The following CSMD3 variants were observed in gnomAD, a reference collection of about 807,000 sequenced individuals.
CSMD3 encodes CUB and Sushi multiple domains 3.
A neutral mutation model predicts 435.2 loss-of-function variants in CSMD3; 177 were observed. The observed-to-expected ratio is 0.41, with a 90% CI of 0.36 to 0.46. The LOEUF (loss-of-function observed/expected upper bound fraction) is 0.46, where lower values mean the gene tolerates loss of function less well. Ranked by LOEUF, CSMD3 falls within the 20% of genes least tolerant of loss-of-function variation. CSMD3 has a pLI of 0.34. For missense variants in CSMD3, 4,265 were observed against 4,504.6 expected, an observed-to-expected ratio of 0.95 and a Z score of 1.52; for synonymous variants, 1,656 against 1,520.5, an observed-to-expected ratio of 1.09 and a Z score of -2.07.
intron 4 of CSMD3, among the ~76,000 whole-genome samples, chr8:113,123,168 C>A (rs542705105): frequency 8.5e-5 from 13 of 152,162 alleles, no homozygotes; most frequent in African/African-American, 3.1e-4. Flanking sequence ...TAACCAGTTT[C>A]ATATCTAATC....
intron 32 of CSMD3, among the ~76,000 whole-genome samples, chr8:112,447,999 T>C (rs1316959785): frequency 6.6e-6 from 1 of 152,194 alleles, no homozygotes; most frequent in East Asian, 1.9e-4. Flanking sequence ...CAAGTTTAGA[T>C]GAGGCCATAC....
intron 17 of CSMD3, among the ~76,000 whole-genome samples, chr8:112,663,711 G>T (rs61329180): frequency 0.029 from 4,385 of 152,106 alleles, 230 homozygotes; most frequent in African/African-American, 0.099. Context: ...TGTGATGAGG[G>T]TTATCAAGAA....
chr8:113,123,285 A>G (rs2091036364), intron 4 of CSMD3, among the ~76,000 whole-genome samples: 1 of 152,088 alleles, frequency 6.6e-6, no homozygotes, highest in African/African-American at 2.4e-5. Context: ...GCCAAAATAT[A>G]TTTGACAAGT....
At chr8:113,247,621 T>A (rs1375473504) in intron 3 of CSMD3, among the ~76,000 whole-genome samples, 2 of 152,118 alleles carry the variant, frequency 1.3e-5, no homozygotes, top group Non-Finnish European at 2.9e-5. Flanking sequence ...GTTGCCTTTA[T>A]GAGGAGTAGA....
At chr8:112,567,863 A>G (rs956053035) in intron 24 of CSMD3, among the ~76,000 whole-genome samples, 3 of 151,464 alleles carry the variant, frequency 2.0e-5, no homozygotes, top group Non-Finnish European at 4.4e-5. Context: ...GTTCTCTCTC[A>G]GAAGAACAGG....
chr8:112,751,757 C>T lies in CSMD3; in HGVS notation c.1972+48405G>A, dbSNP rs181506424. 1.9e-4 allele frequency among the ~76,000 whole-genome samples: 29 copies of T among 151,960 alleles called. No individual in the cohort carries two copies. The East Asian group carries it at 4.8e-3, about 25-fold the overall frequency. On this transcript the variant is annotated intron_variant, in intron 13 of 70. Coordinates refer to ENST00000297405, the MANE Select transcript of CSMD3 (RefSeq NM_198123.2). ...TCAGAAAGAAATTTCCACAGACTCACATCATTCCCTTTCTCTACCTACCAA... is the reference window on the plus strand; with the variant it reads ...TCAGAAAGAAATTTCCACAGACTCATATCATTCCCTTTCTCTACCTACCAA...
chr8:113,199,665 G>A (rs1465621990), intron 3 of CSMD3, among the ~76,000 whole-genome samples: 2 of 151,608 alleles, frequency 1.3e-5, no homozygotes. Flanking sequence ...CAAAGACATT[G>A]AGCAGCCTGC....
chr8:112,514,359 C>A (rs1823456797), intron 28 of CSMD3, among the ~76,000 whole-genome samples: 1 of 152,112 alleles, frequency 6.6e-6, no homozygotes, highest in African/African-American at 2.4e-5. Flanking sequence ...TTTAGAAATG[C>A]ATCTCTATTT....
At chr8:112,817,608 G>C (rs1455833195) in intron 12 of CSMD3, among the ~76,000 whole-genome samples, 1 of 151,810 alleles carries the variant, frequency 6.6e-6, no homozygotes, top group Non-Finnish European at 1.5e-5. Flanking sequence ...TTCAAACTTT[G>C]GGAAAAAACA....
intron 3 of CSMD3, among the ~76,000 whole-genome samples, chr8:113,175,345 G>A (rs2092332284): frequency 6.6e-6 from 1 of 151,692 alleles, no homozygotes. Context: ...TTTACTTTGA[G>A]TTTTAAAAAT....
intron 59 of CSMD3, among the ~76,000 whole-genome samples, chr8:112,269,682 C>CA (rs1246076943): frequency 2.0e-5 from 3 of 152,048 alleles, no homozygotes; most frequent in African/African-American, 2.4e-5. Flanking sequence ...TTTGTACTGA[C>CA]AAAAAAATGT....
At chr8:112,968,869 C>T (rs1389576444) in intron 7 of CSMD3, among the ~76,000 whole-genome samples, 1 of 152,074 alleles carries the variant, frequency 6.6e-6, no homozygotes, top group South Asian at 2.1e-4. Flanking sequence ...CATAAACTAG[C>T]TCCCTCATTG....
chr8:112,646,452 A>G (rs961978466), intron 19 of CSMD3, among the ~76,000 whole-genome samples: 3 of 152,122 alleles, frequency 2.0e-5, no homozygotes, highest in Admixed American at 6.6e-5. Flanking sequence ...GTTTTTCTGT[A>G]TATCAGTATT....
chr8:113,404,809 C>T (rs1462324630), intron 1 of CSMD3, among the ~76,000 whole-genome samples: 2 of 151,328 alleles, frequency 1.3e-5, no homozygotes, highest in African/African-American at 4.8e-5. Flanking sequence ...CTACTGATAG[C>T]CAGAGTATAA....
At chr8:112,712,447 T>A (rs533257747) in intron 13 of CSMD3, among the ~76,000 whole-genome samples, 1 of 152,250 alleles carries the variant, frequency 6.6e-6, no homozygotes, top group Admixed American at 6.5e-5. Context: ...TTTAAAATGG[T>A]TATACACAGG....
chr8:112,650,672 T>C (rs2075102308), intron 18 of CSMD3, among the ~76,000 whole-genome samples: 3 of 152,184 alleles, frequency 2.0e-5, no homozygotes, highest in Admixed American at 2.0e-4. Flanking sequence ...CTTGAACTTA[T>C]TATATTCCAA....
intron 10 of CSMD3, among the ~76,000 whole-genome samples, chr8:112,862,713 T>C (rs538700581): frequency 6.6e-6 from 1 of 152,216 alleles, no homozygotes; most frequent in East Asian, 1.9e-4. Flanking sequence ...TTCAATTCCA[T>C]TGTATTTGTG....
intron 27 of CSMD3, among the ~76,000 whole-genome samples, chr8:112,539,609 A>G (rs1826471311): frequency 6.6e-6 from 1 of 152,124 alleles, no homozygotes; most frequent in Non-Finnish European, 1.5e-5. Context: ...TAACTCAGAA[A>G]TAAATCCATA....
intron 31 of CSMD3, among the ~76,000 whole-genome samples, chr8:112,491,376 C>T (rs368155599): frequency 2.0e-5 from 3 of 151,970 alleles, no homozygotes; most frequent in African/African-American, 7.3e-5. Flanking sequence ...TACTCTCGGC[C>T]GGGTGCAGTG....
Sources: gnomAD v4.1 joint callset for allele counts (sites outside exome capture counted in the v4.1 genomes callset) on GRCh38, gnomAD v4.1.1 for gene constraint, MANE v1.5 for transcripts, NCBI Gene and HGNC (gene_info 2026-07-23, HGNC 2026-07-21) for gene names.